Variants in RYR2 observed in about 807,000 individuals in gnomAD.
RYR2 encodes the protein cardiac muscle ryanodine receptor-calcium release channel.
Under a neutral mutation model 601.1 loss-of-function variants are expected in RYR2, and 227 were observed. The ratio of observed to expected loss-of-function variants is 0.38; its 90% CI spans 0.34 to 0.42. The LOEUF (loss-of-function observed/expected upper bound fraction) is 0.42, where lower values mean the gene tolerates loss of function less well. Among genes scored for constraint, RYR2 ranks in the 10% least tolerant of loss-of-function variants. RYR2 has a pLI of 1.00. For synonymous variants in RYR2, 2,223 were observed against 2,175.1 expected (o/e 1.02, Z -0.61); for missense variants, 4,646 against 6,156.5 (o/e 0.75, Z 8.21).
chr1:237,235,039 G>A (rs1348047061), intron 1 of RYR2, among the ~76,000 whole-genome samples: 1 of 152,146 alleles, frequency 6.6e-6, no homozygotes, highest in Admixed American at 6.5e-5. Flanking sequence ...TCCCTTTGAA[G>A]GGTCATGATT....
chr1:237,695,461 T>C (rs12062682), intron 63 of RYR2, among the ~76,000 whole-genome samples: 4,274 of 152,182 alleles, frequency 0.028, 189 homozygotes, highest in African/African-American at 0.096. Flanking sequence ...ATACTGTGAG[T>C]TGAAAAGTAT....
Position 237,770,810 on chromosome 1 carries a change from A to T in RYR2, c.11480A>T (p.Glu3827Val). The change falls in exon 85 of 105, where the codon GAA becomes GTA. Residue 3827 changes from glutamate to valine, a missense_variant. Around this residue, in one of 17 missense-constraint regions of RYR2, gnomAD observed 1,497 missense variants for 1,842.6 expected, o/e 0.81. Transcript: ENST00000366574. Reference sequence around the variant, plus strand: ...GATCCCTCTGGATTTCCCACAGGAGAAAAGGTTCTGCAGGACGATGAGTTC... The same window carrying T: ...GATCCCTCTGGATTTCCCACAGGAGTAAAGGTTCTGCAGGACGATGAGTTC... ...LGMVTEEGSG[E>V]KVLQDDEFTC... 6.5e-7 allele frequency: 1 copy of T among 1,548,818 alleles called. No homozygotes were observed. Among genetic ancestry groups the T allele is most frequent in the Non-Finnish European group, 8.7e-7 (1 of 1,143,808 alleles).
chr1:237,459,563 A>C (rs1327698672), intron 16 of RYR2, among the ~76,000 whole-genome samples: 1 of 152,228 alleles, frequency 6.6e-6, no homozygotes, highest in Non-Finnish European at 1.5e-5. Context: ...TCCCTTCAAC[A>C]GGTATTGTAT....
At chr1:237,668,065 C>A in intron 58 of RYR2, 107 bp downstream of exon 58, 2 of 840,578 alleles carry the variant, frequency 2.4e-6, no homozygotes, top group South Asian at 1.8e-5. Flanking sequence ...TTTTTAAAAT[C>A]AGAACGGTTT....
At chr1:237,456,512 T>A (rs1658834741) in intron 15 of RYR2, 88 bp from the exon 16 acceptor site, 2 of 1,360,916 alleles carry the variant, frequency 1.5e-6, no homozygotes, top group African/African-American at 2.9e-5. Flanking sequence ...AGACTTCTAT[T>A]TTTAAATCAA....
At chr1:237,312,359 A>T (rs1340103624) in intron 2 of RYR2, among the ~76,000 whole-genome samples, 1 of 152,194 alleles carries the variant, frequency 6.6e-6, no homozygotes, top group African/African-American at 2.4e-5. Context: ...TTATAATGAG[A>T]TGTGCAATGA....
chr1:237,503,325 C>G lies in RYR2; in HGVS notation c.2433C>G (p.Phe811Leu). The G allele has an allele frequency of 1.2e-6, 2 of 1,613,284 alleles. No homozygotes were observed. The highest frequency in any genetic ancestry group is 1.7e-6 in the Non-Finnish European group (2 of 1,179,500). ...TGCTTGGAGGGCGACATGGAGAATT[C>G]AAATTTCTTCCTCCACCTGGGTATG... ...RFLLGGRHGEFKFLPPPGYAP... is the reference protein window; with the variant it reads ...RFLLGGRHGELKFLPPPGYAP... Residue 811 changes from phenylalanine (F) to leucine (L), a missense_variant, in exon 22 of 105, where the codon TTC becomes TTG. Coordinates refer to ENST00000366574, the MANE Select transcript of RYR2 (RefSeq NM_001035.3).
intron 80 of RYR2, chr1:237,743,638 A>ATG (rs1444269387): frequency 3.9e-6 from 2 of 518,266 alleles, no homozygotes; most frequent in African/African-American, 3.9e-5. Flanking sequence ...AACTATATAT[A>ATG]TGTGTGTATT....
intron 71 of RYR2, among the ~76,000 whole-genome samples, chr1:237,716,702 T>G (rs1689292298): frequency 1.3e-5 from 2 of 152,036 alleles, no homozygotes; most frequent in Non-Finnish European, 2.9e-5. Context: ...AAGACAAGTT[T>G]GCAGACTGTA....
Position 237,479,648 on chromosome 1 carries a change from G to A in RYR2, c.1708+10461G>A, listed in dbSNP as rs140496524. On this transcript the variant is annotated intron_variant, in intron 17 of 104. Transcript: ENST00000366574. ...GTAAACCTTTGAGTAAGGCTTTAGA[G>A]CAAACAGTTACATCTGCCAGCATTT... Among the ~76,000 whole-genome samples the A allele has an allele frequency of 1.5e-3, 231 of 152,302 alleles. 1 individual carries two copies. The highest frequency in any genetic ancestry group is 4.7e-3 in the African/African-American group (196 of 41,572).
intron 34 of RYR2, among the ~76,000 whole-genome samples, chr1:237,595,982 C>T (rs1172114462): frequency 2.0e-5 from 3 of 151,990 alleles, no homozygotes; most frequent in Non-Finnish European, 2.9e-5. Flanking sequence ...ACTACACTAC[C>T]GCATCCACCC....
At position 237,683,829 on chromosome 1, in the gene RYR2, G is replaced by T. The variant is rs562304066; in HGVS notation, c.9017+3252G>T. 2.0e-5 allele frequency among the ~76,000 whole-genome samples: 3 copies of T among 152,298 alleles called. No homozygotes were observed. In the South Asian group the frequency reaches 6.2e-4, roughly 32 times the overall value. ...TGGGAGAGTTGGGAGGCCATGGCAG[G>T]CACCTGGAGGCCAAGACAGCAACCC... is the stretch of plus-strand genomic sequence containing the variant. On this transcript the variant is annotated intron_variant, in intron 62 of 104. Transcript: ENST00000366574.
chr1:237,535,198 G>A (rs1408065420), intron 25 of RYR2, among the ~76,000 whole-genome samples: 1 of 151,518 alleles, frequency 6.6e-6, no homozygotes, highest in African/African-American at 2.4e-5. Flanking sequence ...CAATATTAAT[G>A]AATTTGGTGG....
chr1:237,519,243 G>A (rs567693829), intron 24 of RYR2, among the ~76,000 whole-genome samples: 1 of 152,144 alleles, frequency 6.6e-6, no homozygotes, highest in African/African-American at 2.4e-5. Flanking sequence ...TCTTCACTCT[G>A]TTGATTCTTT....
chr1:237,457,273 ATC>A (rs1269887850), intron 16 of RYR2, among the ~76,000 whole-genome samples: 1 of 151,974 alleles, frequency 6.6e-6, no homozygotes, highest in African/African-American at 2.4e-5. Flanking sequence ...TCTTTATATG[ATC>A]TCTGTTTGGC....
At chr1:237,492,900 G>GGAGGGAGGGAGA (rs1663566947) in intron 18 of RYR2, 54 bp from the exon 19 acceptor site, 1 of 1,364,506 alleles carries the variant, frequency 7.3e-7, no homozygotes, top group African/African-American at 1.5e-5. Flanking sequence ...AGGGAGGGAG[G>GGAGGGAGGGAGA]GAGGGAAAGC....
At chr1:237,634,047 G>A (rs1389961884) in intron 43 of RYR2, among the ~76,000 whole-genome samples, 1 of 152,130 alleles carries the variant, frequency 6.6e-6, no homozygotes, top group Non-Finnish European at 1.5e-5. Context: ...AAACATTAAG[G>A]AGATTCCTCA....
intron 13 of RYR2, among the ~76,000 whole-genome samples, chr1:237,444,231 A>G (rs969245263): frequency 1.3e-5 from 2 of 152,142 alleles, no homozygotes; most frequent in African/African-American, 2.4e-5. Context: ...TTTGACTTCT[A>G]GTTTAGTAAT....
intron 2 of RYR2, among the ~76,000 whole-genome samples, chr1:237,301,898 T>G (rs1693383843): frequency 6.6e-6 from 1 of 152,158 alleles, no homozygotes; most frequent in South Asian, 2.1e-4. Flanking sequence ...AGAGTTAAAG[T>G]GCGTGTGATA....
Sources: gnomAD v4.1 joint callset for allele counts (sites outside exome capture counted in the v4.1 genomes callset) on GRCh38, gnomAD v4.1.1 for gene constraint, gnomAD v4.1.1 regional missense constraint, MANE v1.5 for transcripts, NCBI Gene and HGNC (gene_info 2026-07-23, HGNC 2026-07-21) for gene names.